The following CELF2 variants were observed in gnomAD, a reference collection of about 807,000 sequenced individuals.
CELF2 encodes the protein CUG triplet repeat RNA-binding protein 2.
In CELF2, 8 loss-of-function variants were observed where a neutral mutation model predicts 62.6. That is an observed-to-expected ratio of 0.13 (90% CI 0.07 to 0.23). The LOEUF is 0.23. CELF2 is among the 10% of genes least tolerant of loss of function. The pLI, the probability that CELF2 is intolerant of heterozygous loss-of-function variation, is 1.00. For synonymous variants in CELF2, 258 were observed against 250.0 expected (o/e 1.03, Z -0.30); for missense variants, 333 against 671.0 (o/e 0.50, Z 5.56).
At chr10:11,000,765 T>C (rs1279440291), upstream of CELF2, among the ~76,000 whole-genome samples, 1 of 152,216 alleles carries the variant, frequency 6.6e-6, no homozygotes. Context: ...ATGTTTCAGG[T>C]AGTGAATTGT....
At position 11,178,810 on chromosome 10, in the gene CELF2, A is replaced by T. The variant is rs2133942846; in HGVS notation, c.271+13128A>T. 6.6e-6 allele frequency among the ~76,000 whole-genome samples: 1 copy of T among 152,350 alleles called. No homozygotes were observed. The highest frequency in any genetic ancestry group is 1.9e-4 in the East Asian group (1 of 5,192). ...CTTTCTCCCCCTGCATTAGCCGCAG[A>T]GCTGAGTGAGTCTATGAAAACCCAT... On this transcript the variant is annotated intron_variant, in intron 2 of 12. Coordinates refer to ENST00000633077, the MANE Select transcript of CELF2 (RefSeq NM_001326342.2). The surrounding 1 kb of genome is among the most constrained non-coding windows in gnomAD (Gnocchi z 4.3).
the CELF2 span, among the ~76,000 whole-genome samples, chr10:10,473,716 A>G: frequency 6.6e-6 from 1 of 152,190 alleles, no homozygotes; most frequent in East Asian, 1.9e-4. Flanking sequence ...AGATCAAAGG[A>G]AATAATTATT....
At chr10:11,197,025 A>AAAGAAGGAAGGAAGGAAGG (rs1554936315) in intron 2 of CELF2, among the ~76,000 whole-genome samples, 3 of 26,132 alleles carry the variant, frequency 1.1e-4, no homozygotes, top group African/African-American at 5.3e-4. Flanking sequence ...AGAAAGAAAG[A>AAAGAAGGAAGGAAGGAAGG]AAAGAAAGAA....
chr10:10,476,768 A>G, the CELF2 span, among the ~76,000 whole-genome samples: 5 of 151,884 alleles, frequency 3.3e-5, no homozygotes, highest in African/African-American at 4.8e-5. Context: ...ACCTTTTTTT[A>G]TTTTTCAAAA....
chr10:11,085,046 A>G (rs887131448), intron 1 of CELF2, among the ~76,000 whole-genome samples: 11 of 152,208 alleles, frequency 7.2e-5, no homozygotes, highest in Non-Finnish European at 1.5e-4. Context: ...TAATACAATG[A>G]TATTCTCAGT....
At chr10:11,054,583 A>G (rs1164702096) in intron 1 of CELF2, among the ~76,000 whole-genome samples, 3 of 150,744 alleles carry the variant, frequency 2.0e-5, no homozygotes, top group Non-Finnish European at 4.4e-5. Flanking sequence ...TCTTTATCTC[A>G]TTTCATAGTG....
chr10:10,577,364 T>TTTTTTATTA, the CELF2 span, among the ~76,000 whole-genome samples: 5 of 141,404 alleles, frequency 3.5e-5, no homozygotes, highest in African/African-American at 1.4e-4. Context: ...AACAAATCTT[T>TTTTTTATTA]TTATTATTAT....
chr10:10,657,056 T>TATATTC, the CELF2 span, among the ~76,000 whole-genome samples: 1 of 152,200 alleles, frequency 6.6e-6, no homozygotes, highest in Non-Finnish European at 1.5e-5. Context: ...TTAAATGTTG[T>TATATTC]ATATTCATAT....
At chr10:10,501,654 A>C in the CELF2 span, among the ~76,000 whole-genome samples, 3 of 152,120 alleles carry the variant, frequency 2.0e-5, no homozygotes, top group Non-Finnish European at 4.4e-5. Context: ...GTATCCTGCA[A>C]CTTTGCTGAA....
At chr10:10,711,748 G>T in the CELF2 span, among the ~76,000 whole-genome samples, 10 of 152,212 alleles carry the variant, frequency 6.6e-5, no homozygotes, top group Non-Finnish European at 1.0e-4. Context: ...CAGGCATGGT[G>T]GTGCATGCCT....
At chr10:10,606,618 G>A in the CELF2 span, among the ~76,000 whole-genome samples, 42,878 of 151,948 alleles carry the variant, frequency 0.28, 6,399 homozygotes, top group South Asian at 0.5. Context: ...ATTCAAATCA[G>A]CAAACTTGGT....
chr10:10,468,247 T>C, the CELF2 span, among the ~76,000 whole-genome samples: 1 of 152,022 alleles, frequency 6.6e-6, no homozygotes, highest in Non-Finnish European at 1.5e-5. Context: ...CTATCTTTCT[T>C]TGGCCCTCCA....
At chr10:11,136,751 C>G (rs2060501807) in intron 1 of CELF2, among the ~76,000 whole-genome samples, 1 of 152,202 alleles carries the variant, frequency 6.6e-6, no homozygotes, top group Non-Finnish European at 1.5e-5. Flanking sequence ...TGTCTCCTTC[C>G]ACCTCAATTT....
the CELF2 span, among the ~76,000 whole-genome samples, chr10:10,540,320 C>A: frequency 3.3e-5 from 5 of 152,306 alleles, no homozygotes; most frequent in East Asian, 9.6e-4. Flanking sequence ...TGGCTCCTAG[C>A]ACCCTCATTA....
At chr10:10,541,315 G>A in the CELF2 span, among the ~76,000 whole-genome samples, 1 of 151,544 alleles carries the variant, frequency 6.6e-6, no homozygotes, top group Non-Finnish European at 1.5e-5. Context: ...TATTGTTACT[G>A]GAAAGGGGCT....
At chr10:10,881,602 G>A (rs1005889745) in intron 1 of CELF2, among the ~76,000 whole-genome samples, 2 of 152,094 alleles carry the variant, frequency 1.3e-5, no homozygotes, top group African/African-American at 4.8e-5. Flanking sequence ...GAAATGAAAT[G>A]TTATGAGTCA....
At chr10:10,678,666 T>C in the CELF2 span, among the ~76,000 whole-genome samples, 1 of 152,174 alleles carries the variant, frequency 6.6e-6, no homozygotes. Context: ...TGACTGTTGA[T>C]AGGGTTGAAT....
chr10:10,733,189 G>A, the CELF2 span, among the ~76,000 whole-genome samples: 2 of 151,626 alleles, frequency 1.3e-5, no homozygotes, highest in Admixed American at 6.6e-5. Context: ...TAGACAAGTA[G>A]AGTCTACACC....
chr10:10,716,819 C>T, the CELF2 span, among the ~76,000 whole-genome samples: 1 of 152,276 alleles, frequency 6.6e-6, no homozygotes, highest in East Asian at 1.9e-4. Flanking sequence ...TTCGCTGCAA[C>T]ATTTTGAGGT....
Sources: allele counts gnomAD v4.1 joint callset (sites outside exome capture counted in the v4.1 genomes callset), GRCh38; gene constraint gnomAD v4.1.1; non-coding constraint Gnocchi (gnomAD v3.1); transcripts MANE v1.5; gene names NCBI Gene and HGNC (gene_info 2026-07-23, HGNC 2026-07-21).